NFIL3: variants seen among roughly 807,000 people sequenced by gnomAD.
The protein encoded by NFIL3 is nuclear factor, interleukin 3 regulated.
Under a neutral mutation model 10.0 loss-of-function variants are expected in NFIL3, and 5 were observed. The ratio of observed to expected loss-of-function variants is 0.50; its 90% CI spans 0.26 to 1.06. The LOEUF (loss-of-function observed/expected upper bound fraction) is 1.06, where lower values mean the gene tolerates loss of function less well. Among genes scored for constraint, NFIL3 ranks in the 50% least tolerant of loss-of-function variants. The probability of loss-of-function intolerance (pLI) is 0.13; values close to 1 mark genes in which losing one functional copy is unlikely to be tolerated. For synonymous variants in NFIL3, 202 were observed against 206.5 expected (o/e 0.98, Z 0.19); for missense variants, 436 against 547.6 (o/e 0.80, Z 2.03).
chr9:91,434,912 C>T, the NFIL3 span, among the ~76,000 whole-genome samples: 15 of 152,116 alleles, frequency 9.9e-5, 1 homozygote, highest in African/African-American at 3.6e-4. Flanking sequence ...GTTTGCCAAA[C>T]ACTTCTCTAA....
chr9:91,440,632 G>C, the NFIL3 span, among the ~76,000 whole-genome samples: 3 of 151,852 alleles, frequency 2.0e-5, no homozygotes, highest in Admixed American at 2.0e-4. Flanking sequence ...TTTTAATGTA[G>C]GTACTTATTG....
At chr9:91,441,072 A>G in the NFIL3 span, among the ~76,000 whole-genome samples, 7 of 152,082 alleles carry the variant, frequency 4.6e-5, no homozygotes, top group Non-Finnish European at 1.0e-4. Context: ...TTTTCTGTGT[A>G]GTTGATCTAT....
At chr9:91,472,501 A>G in the NFIL3 span, among the ~76,000 whole-genome samples, 2 of 152,174 alleles carry the variant, frequency 1.3e-5, no homozygotes, top group Non-Finnish European at 1.5e-5. Flanking sequence ...TGAATCAGCT[A>G]CTGAAGCTTG....
chr9:91,413,330 C>T (rs1447915256), intron 1 of NFIL3, among the ~76,000 whole-genome samples: 1 of 151,688 alleles, frequency 6.6e-6, no homozygotes, highest in African/African-American at 2.4e-5. Context: ...TGCACTGCAG[C>T]CTCTGCTTCC....
chr9:91,447,526 C>T, the NFIL3 span, among the ~76,000 whole-genome samples: 2 of 152,144 alleles, frequency 1.3e-5, no homozygotes, highest in African/African-American at 4.8e-5. Context: ...TATAGCCATC[C>T]TAGTATCTGT....
chr9:91,418,438 G>A (rs1372137351), intron 1 of NFIL3, among the ~76,000 whole-genome samples: 1 of 152,196 alleles, frequency 6.6e-6, no homozygotes, highest in Non-Finnish European at 1.5e-5. Flanking sequence ...GGCAAAAATG[G>A]TGGGCTAAGG....
intron 1 of NFIL3, among the ~76,000 whole-genome samples, chr9:91,420,834 G>A (rs1243036955): frequency 2.0e-5 from 3 of 152,032 alleles, no homozygotes; most frequent in Non-Finnish European, 2.9e-5. Context: ...CTATGTGGGC[G>A]TTTAGATTTT....
chr9:91,454,197 A>G, the NFIL3 span, among the ~76,000 whole-genome samples: 2 of 150,404 alleles, frequency 1.3e-5, no homozygotes, highest in Non-Finnish European at 3.0e-5. Flanking sequence ...TGGCACCACT[A>G]CACTCCAGTC....
the NFIL3 span, among the ~76,000 whole-genome samples, chr9:91,474,828 C>G: frequency 6.6e-6 from 1 of 152,196 alleles, no homozygotes; most frequent in Admixed American, 6.5e-5. Flanking sequence ...GGGAAACAAA[C>G]CAGTGTGGCT....
At chr9:91,452,670 C>T in the NFIL3 span, among the ~76,000 whole-genome samples, 1 of 151,380 alleles carries the variant, frequency 6.6e-6, no homozygotes, top group South Asian at 2.1e-4. Context: ...ACCTGTAATC[C>T]CAGCTACTCA....
the NFIL3 span, among the ~76,000 whole-genome samples, chr9:91,454,676 A>T: frequency 1.3e-5 from 2 of 152,062 alleles, no homozygotes; most frequent in African/African-American, 2.4e-5. Flanking sequence ...CACTAAAAAT[A>T]AAAAAATTAG....
chr9:91,444,927 T>C, the NFIL3 span, among the ~76,000 whole-genome samples: 1 of 152,142 alleles, frequency 6.6e-6, no homozygotes, highest in Non-Finnish European at 1.5e-5. Flanking sequence ...AGGGCCCAGG[T>C]GCTCTGAGTG....
At chr9:91,478,594 T>C in the NFIL3 span, among the ~76,000 whole-genome samples, 11 of 152,102 alleles carry the variant, frequency 7.2e-5, no homozygotes, top group African/African-American at 1.2e-4. Context: ...AACATGCTCC[T>C]TTAGCTCGGA....
At chr9:91,438,890 T>C in the NFIL3 span, among the ~76,000 whole-genome samples, 4 of 152,202 alleles carry the variant, frequency 2.6e-5, no homozygotes, top group African/African-American at 9.6e-5. Flanking sequence ...CAATATGGTA[T>C]GGGTTTATTC....
chr9:91,460,271 C>CTTTGTTTTTTTTTTTTTTTTTTTT, the NFIL3 span, among the ~76,000 whole-genome samples: 1 of 70,444 alleles, frequency 1.4e-5, no homozygotes, highest in Admixed American at 1.3e-4. Flanking sequence ...GGGCTTGGTT[C>CTTTGTTTTTTTTTTTTTTTTTTTT]TTTTTTTTTT....
At chr9:91,418,221 T>C (rs1025380635) in intron 1 of NFIL3, among the ~76,000 whole-genome samples, 2 of 152,072 alleles carry the variant, frequency 1.3e-5, no homozygotes, top group African/African-American at 4.8e-5. Flanking sequence ...GGTAGTAACA[T>C]GGGGGAAAAA....
At chr9:91,436,494 C>T in the NFIL3 span, among the ~76,000 whole-genome samples, 8 of 152,004 alleles carry the variant, frequency 5.3e-5, no homozygotes, top group Non-Finnish European at 1.2e-4. Context: ...AGGAGAATGG[C>T]GTGAATCCGG....
chr9:91,441,429 A>G, the NFIL3 span, among the ~76,000 whole-genome samples: 2 of 152,158 alleles, frequency 1.3e-5, no homozygotes, highest in African/African-American at 4.8e-5. Flanking sequence ...CGTAGGAAGC[A>G]TATAGTTGGA....
In NFIL3 at chr9:91,409,085, TACAC is replaced by T. The variant is rs1833485296; in HGVS notation, c.*257_*260del. The T allele has an allele frequency of 1.8e-5, 6 of 339,642 alleles. No homozygotes were observed. In the Admixed American group the frequency reaches 2.2e-4, roughly 12 times the overall value. The allele number at this position is 339,642 out of a possible 1,614,324, so 21.0% of individuals were successfully genotyped here. ...CAATCCTTTATTGAAACTGGTAACT[TACAC>T]ACTTTATAATAGAACAACAAAAATA... On this transcript the variant is annotated 3_prime_UTR_variant, in exon 2 of 2. Transcript: ENST00000297689.
Sources: allele counts gnomAD v4.1 joint callset (sites outside exome capture counted in the v4.1 genomes callset), GRCh38; gene constraint gnomAD v4.1.1; transcripts MANE v1.5; gene names NCBI Gene and HGNC (gene_info 2026-07-23, HGNC 2026-07-21).